Variants in PDGFC observed in about 807,000 individuals in gnomAD.
PDGFC encodes platelet derived growth factor C.
PDGFC carries 12 observed loss-of-function variants against 35.5 expected under a neutral mutation model. The ratio of observed to expected loss-of-function variants is 0.34; its 90% CI spans 0.22 to 0.55. The LOEUF (loss-of-function observed/expected upper bound fraction) is 0.55. PDGFC is among the 20% of genes least tolerant of loss of function. The pLI is 0.91. For synonymous variants in PDGFC, 159 were observed against 148.8 expected (o/e 1.07, Z -0.50); for missense variants, 322 against 412.4 (o/e 0.78, Z 1.90).
Position 156,963,239 on chromosome 4 carries a change from G to A in PDGFC, c.118+7547C>T, listed in dbSNP as rs115585083. Among the ~76,000 whole-genome samples, 427 of 152,126 alleles carry A rather than the reference G, an allele frequency of 2.8e-3. 1 individual carries two copies. Among genetic ancestry groups the A allele is most frequent in the African/African-American group, 9.8e-3 (406 of 41,508 alleles). On this transcript the variant is annotated intron_variant, in intron 1 of 5. Coordinates refer to ENST00000502773, the MANE Select transcript of PDGFC (RefSeq NM_016205.3). ...TCCCAGCACATTGGGAGGCCGAGGT[G>A]GAAGGATCACTTGAGCCTAGGAGTT...
intron 1 of PDGFC, among the ~76,000 whole-genome samples, chr4:156,955,114 G>A (rs577574380): frequency 3.2e-4 from 49 of 152,044 alleles, no homozygotes; most frequent in African/African-American, 9.4e-4. Flanking sequence ...TTTATGGGGC[G>A]GAGAGGGGAC....
At chr4:156,792,046 T>C (rs1731312662) in intron 3 of PDGFC, among the ~76,000 whole-genome samples, 2 of 152,178 alleles carry the variant, frequency 1.3e-5, no homozygotes, top group Non-Finnish European at 1.5e-5. Context: ...AATTTCACCA[T>C]GGTTAACATC....
In PDGFC at chr4:156,867,019, A is replaced by T. The variant is rs116320181; in HGVS notation, c.119-16603T>A. On this transcript the variant is annotated intron_variant, in intron 1 of 5. Transcript: ENST00000502773. ...AATAACTGGGATCGCCTTATTTTTC[A>T]CTTACTCCTTTCCATAAAGAAGTGT... 8.1e-3 allele frequency among the ~76,000 whole-genome samples: 1,226 copies of T among 152,254 alleles called. 10 individuals carry two copies. The highest frequency in any genetic ancestry group is 0.027 in the African/African-American group (1,126 of 41,558).
chr4:156,839,384 C>G (rs530378550), intron 2 of PDGFC, among the ~76,000 whole-genome samples: 124 of 152,298 alleles, frequency 8.1e-4, no homozygotes, highest in Middle Eastern at 6.8e-3. Flanking sequence ...GGCACTTCTT[C>G]CTGCCCCCAT....
At chr4:156,840,889 T>C (rs535356381) in intron 2 of PDGFC, among the ~76,000 whole-genome samples, 12 of 152,132 alleles carry the variant, frequency 7.9e-5, no homozygotes, top group South Asian at 2.1e-4. Context: ...ACATGTTACA[T>C]GCTATAGCCC....
chr4:156,942,143 G>A (rs530946721), intron 1 of PDGFC, among the ~76,000 whole-genome samples: 6 of 152,086 alleles, frequency 3.9e-5, no homozygotes, highest in South Asian at 2.1e-4. Flanking sequence ...TAAAAGGGCC[G>A]CCTGCATGTT....
intron 1 of PDGFC, among the ~76,000 whole-genome samples, chr4:156,909,006 G>T (rs1453846255): frequency 6.6e-6 from 1 of 152,138 alleles, no homozygotes; most frequent in Non-Finnish European, 1.5e-5. Context: ...ACAATTTCAT[G>T]TTTGTAAAAC....
At chr4:156,836,039 G>A (rs895070628) in intron 2 of PDGFC, 1 of 151,990 alleles carries the variant, frequency 6.6e-6, no homozygotes, top group Admixed American at 6.6e-5. Flanking sequence ...ATTAATGAAG[G>A]TATACAGTAT....
chr4:156,772,751 T>C lies in PDGFC; in HGVS notation c.638A>G (p.Glu213Gly), dbSNP rs895227114. 3.1e-6 allele frequency: 5 copies of C among 1,613,560 alleles called. No individual in the cohort carries two copies. In the Admixed American group the frequency reaches 5.0e-5, roughly 16 times the overall value. ...TTGCCAAGTTGGCCTATATAGATCT[T>C]CTAAGTCCAACTGCCATCTCTCTGG... ...LEPERWQLDLEDLYRPTWQLL... is the reference protein window; with the variant it reads ...LEPERWQLDLGDLYRPTWQLL... Residue 213 changes from glutamate to glycine, a missense_variant, in exon 4 of 6, where the codon GAA becomes GGA. This residue lies in a region of PDGFC where 202 missense variants were observed against 295.9 expected (regional missense o/e 0.68). Transcript: ENST00000502773.
intron 1 of PDGFC, among the ~76,000 whole-genome samples, chr4:156,947,324 C>T (rs1296710260): frequency 2.0e-5 from 3 of 152,016 alleles, no homozygotes; most frequent in South Asian, 4.1e-4. Context: ...ACTCAAAAGA[C>T]TCCACATTTA....
intron 1 of PDGFC, among the ~76,000 whole-genome samples, chr4:156,961,541 C>G (rs551124994): frequency 1.3e-5 from 2 of 152,228 alleles, no homozygotes; most frequent in Admixed American, 6.5e-5. Flanking sequence ...AGTACATCCA[C>G]CAAAAGAATT....
intron 1 of PDGFC, among the ~76,000 whole-genome samples, chr4:156,902,539 A>AT (rs2110770665): frequency 6.6e-6 from 1 of 152,354 alleles, no homozygotes; most frequent in South Asian, 2.1e-4. Flanking sequence ...CACATGTTAC[A>AT]TAAATTCTAT....
intron 1 of PDGFC, among the ~76,000 whole-genome samples, chr4:156,933,455 C>T (rs1380128271): frequency 6.6e-6 from 1 of 152,220 alleles, no homozygotes; most frequent in Non-Finnish European, 1.5e-5. Context: ...CAAAGATATG[C>T]TCTGCCTTCT....
chr4:156,892,988 C>T (rs1730549013), intron 1 of PDGFC, among the ~76,000 whole-genome samples: 1 of 152,110 alleles, frequency 6.6e-6, no homozygotes, highest in Admixed American at 6.6e-5. Flanking sequence ...CCTCACTATC[C>T]ACCCCTACCA....
intron 2 of PDGFC, among the ~76,000 whole-genome samples, chr4:156,847,192 T>C (rs772344267): frequency 2.0e-5 from 3 of 151,582 alleles, no homozygotes; most frequent in Non-Finnish European, 4.4e-5. Context: ...TACATCCAAA[T>C]AATAGAATAT....
chr4:156,785,907 C>A (rs1731110764), intron 3 of PDGFC, among the ~76,000 whole-genome samples: 1 of 152,166 alleles, frequency 6.6e-6, no homozygotes, highest in South Asian at 2.1e-4. Flanking sequence ...TTCCTACATT[C>A]TTTTCTTTGC....
intron 2 of PDGFC, among the ~76,000 whole-genome samples, chr4:156,814,851 T>C (rs1732036632): frequency 6.6e-6 from 1 of 152,132 alleles, no homozygotes; most frequent in South Asian, 2.1e-4. Context: ...TTCTCTGATT[T>C]ATGTCGATAC....
chr4:156,830,031 A>C (rs890411158), intron 2 of PDGFC, among the ~76,000 whole-genome samples: 2 of 152,208 alleles, frequency 1.3e-5, no homozygotes, highest in Non-Finnish European at 2.9e-5. Flanking sequence ...AATGTATCTG[A>C]AAAGCTGTGT....
chr4:156,946,154 C>T (rs1223602620), intron 1 of PDGFC, among the ~76,000 whole-genome samples: 18 of 151,942 alleles, frequency 1.2e-4, no homozygotes, highest in Non-Finnish European at 2.1e-4. Flanking sequence ...ACAGAAAGTA[C>T]TAGTTGTTAG....
Sources: gnomAD v4.1 joint callset for allele counts (sites outside exome capture counted in the v4.1 genomes callset) on GRCh38, gnomAD v4.1.1 for gene constraint, gnomAD v4.1.1 regional missense constraint, MANE v1.5 for transcripts, NCBI Gene and HGNC (gene_info 2026-07-23, HGNC 2026-07-21) for gene names.